DCHS2: variants seen among roughly 807,000 people sequenced by gnomAD.
DCHS2 encodes dachsous cadherin-related 2.
In DCHS2, 142 loss-of-function variants were observed where a neutral mutation model predicts 182.4. The ratio of observed to expected loss-of-function variants is 0.78; its 90% CI spans 0.68 to 0.89. DCHS2 has a LOEUF of 0.89. Among genes scored for constraint, DCHS2 ranks in the 40% least tolerant of loss-of-function variants. The pLI, the probability that DCHS2 is intolerant of heterozygous loss-of-function variation, is 0.00. For missense variants in DCHS2, 4,319 were observed against 4,198.6 expected (o/e 1.03, Z -0.79); for synonymous variants, 1,740 against 1,663.3 (o/e 1.05, Z -1.12).
chr4:154,470,348 T>C (rs1297316519), intron 1 of DCHS2, among the ~76,000 whole-genome samples: 1 of 151,988 alleles, frequency 6.6e-6, no homozygotes, highest in African/African-American at 2.4e-5. Flanking sequence ...ATTAACCAGA[T>C]GTTGTGGCAC....
At chr4:154,308,386 G>C (rs1455429093) in intron 10 of DCHS2, among the ~76,000 whole-genome samples, 1 of 152,178 alleles carries the variant, frequency 6.6e-6, no homozygotes, top group Non-Finnish European at 1.5e-5. Context: ...CCTGGTTCCA[G>C]GAGTGGGGTG....
chr4:154,479,250 C>T (rs1328468019), intron 1 of DCHS2, among the ~76,000 whole-genome samples: 1 of 151,968 alleles, frequency 6.6e-6, no homozygotes, highest in African/African-American at 2.4e-5. Context: ...GAAAATAATA[C>T]AAGCCATCTG....
chr4:154,426,401 G>A (rs1358932122), intron 1 of DCHS2, among the ~76,000 whole-genome samples: 1 of 152,116 alleles, frequency 6.6e-6, no homozygotes, highest in Non-Finnish European at 1.5e-5. Flanking sequence ...TCACTTTGCA[G>A]TCTTTAGATT....
At chr4:154,434,211 A>T (rs1425443752) in intron 1 of DCHS2, among the ~76,000 whole-genome samples, 1 of 152,216 alleles carries the variant, frequency 6.6e-6, no homozygotes, top group Non-Finnish European at 1.5e-5. Context: ...AGGGGAGATG[A>T]TTGCTTGAGA....
At chr4:154,446,072 C>A (rs1021504711) in intron 1 of DCHS2, among the ~76,000 whole-genome samples, 1 of 152,202 alleles carries the variant, frequency 6.6e-6, no homozygotes, top group Non-Finnish European at 1.5e-5. Flanking sequence ...AGAAAGAACT[C>A]TTCACCTTCT....
intron 1 of DCHS2, among the ~76,000 whole-genome samples, chr4:154,481,278 T>G (rs1735909327): frequency 6.6e-6 from 1 of 152,204 alleles, no homozygotes; most frequent in South Asian, 2.1e-4. Flanking sequence ...TTTATTTTAT[T>G]GGAGACAGGG....
In DCHS2 at chr4:154,384,838, T is replaced by A. The variant is rs112120920; in HGVS notation, c.2053-7394A>T. Among the ~76,000 whole-genome samples, 439 of 152,286 alleles carry A rather than the reference T, an allele frequency of 2.9e-3. 1 individual carries two copies. Among genetic ancestry groups the A allele is most frequent in the African/African-American group, 0.01 (422 of 41,562 alleles). On this transcript the variant is annotated intron_variant, in intron 1 of 19. Transcript: ENST00000357232. ...AGAGCCCCCAGAAGGAGCACAGCCCTGCTGGATTGCAGACTTCTAGTCTCC... is the reference window on the plus strand; with the variant it reads ...AGAGCCCCCAGAAGGAGCACAGCCCAGCTGGATTGCAGACTTCTAGTCTCC...
intron 1 of DCHS2, among the ~76,000 whole-genome samples, chr4:154,462,247 C>G (rs990904514): frequency 2.6e-5 from 4 of 152,128 alleles, no homozygotes; most frequent in African/African-American, 9.7e-5. Context: ...TTATCTGACT[C>G]CTTCAATGTC....
At chr4:154,242,527 G>C in intron 17 of DCHS2, 115 bp downstream of exon 17, 1 of 1,375,596 alleles carries the variant, frequency 7.3e-7, no homozygotes, top group South Asian at 1.9e-5. Flanking sequence ...AAATGATCTA[G>C]TTTGCTTGGT....
intron 1 of DCHS2, among the ~76,000 whole-genome samples, chr4:154,470,590 T>C (rs1338557775): frequency 6.6e-6 from 1 of 152,196 alleles, no homozygotes; most frequent in Non-Finnish European, 1.5e-5. Context: ...CAATGGCTTA[T>C]ACACAATTTT....
At position 154,490,894 on chromosome 4, in the gene DCHS2, C is replaced by G; in HGVS notation, c.462G>C (p.Glu154Asp). The G allele has an allele frequency of 6.4e-7, 1 of 1,551,420 alleles. No individual in the cohort carries two copies. Among genetic ancestry groups the G allele is most frequent in the African/African-American group, 1.4e-5 (1 of 73,166 alleles). The change falls in exon 1 of 20, where the codon GAG (glutamate) becomes GAC (aspartate). Residue 154 changes from glutamate (E) to aspartate (D), a missense_variant. Coordinates refer to ENST00000357232, the MANE Select transcript of DCHS2 (RefSeq NM_001358235.2). Reference protein sequence around the residue: ...ATLLGAVVQVEIRVNDVNDHS... With the variant: ...ATLLGAVVQVDIRVNDVNDHS... The stretch of plus-strand genomic sequence containing the variant: ...GGTCATTCACGTCGTTGACGCGAAT[C>G]TCCACCTGCACCACAGCGCCCAGCA...
At chr4:154,288,909 T>A (rs1367338773) in intron 13 of DCHS2, among the ~76,000 whole-genome samples, 1 of 152,056 alleles carries the variant, frequency 6.6e-6, no homozygotes, top group Non-Finnish European at 1.5e-5. Flanking sequence ...GCAAATCGTA[T>A]GGGATCCAGC....
rs1731360657 is a variant in DCHS2, at chr4:154,234,670, A to AATTG, written c.9978_9981dup (p.Phe3328GlnfsTer36). 1.2e-6 allele frequency: 2 copies of AATTG among 1,613,822 alleles called. No homozygotes were observed. The highest frequency in any genetic ancestry group is 1.7e-5 in the Admixed American group (1 of 59,970). On this transcript the variant is annotated frameshift_variant, in exon 20 of 20. Transcript: ENST00000357232. LOFTEE classifies it low-confidence loss of function (END_TRUNC). The stretch of plus-strand genomic sequence containing the variant: ...GTCAATAGGGAAAGAGATGGAGAAA[A>AATTG]ATTGGGAGTCATGCCTTCTGGCAGA...
At chr4:154,401,371 G>A (rs980663840) in intron 1 of DCHS2, among the ~76,000 whole-genome samples, 1 of 151,916 alleles carries the variant, frequency 6.6e-6, no homozygotes, top group African/African-American at 2.4e-5. Flanking sequence ...TTTTCATTTT[G>A]GGGGGGTAAA....
In DCHS2 at chr4:154,483,762, TACA is replaced by T. The variant is rs1359381401; in HGVS notation, c.2052+5539_2052+5541del. Among the ~76,000 whole-genome samples the T allele has an allele frequency of 1.4e-3, 217 of 152,214 alleles. 1 individual carries two copies. Among genetic ancestry groups the T allele is most frequent in the African/African-American group, 4.9e-3 (203 of 41,530 alleles). ...GGTTGTGGTCCTTGAGGCTCAGGAA[TACA>T]AGCACATAGCATTATCATCACAGAG... On this transcript the variant is annotated intron_variant, in intron 1 of 19. Transcript: ENST00000357232.
At chr4:154,324,460 G>A (rs145465577) in intron 7 of DCHS2, among the ~76,000 whole-genome samples, 5 of 152,272 alleles carry the variant, frequency 3.3e-5, no homozygotes, top group South Asian at 2.1e-4. Flanking sequence ...GGTGCTCATC[G>A]TTTCTGGGTT....
intron 14 of DCHS2, among the ~76,000 whole-genome samples, chr4:154,268,858 T>C (rs1000368248): frequency 1.3e-5 from 2 of 152,078 alleles, no homozygotes; most frequent in Non-Finnish European, 2.9e-5. Context: ...AATGATGGAC[T>C]GTAGAAGAAA....
rs1732908446 is a variant in DCHS2 at position 154,260,054 on chromosome 4, C to T, written c.6578-298G>A. The stretch of plus-strand genomic sequence containing the variant: ...GGCCAGTCTGGTCTCGAACTCCTGA[C>T]CTCGTGATTCACCTGCCTTGGCCTC... On this transcript the variant is annotated intron_variant, in intron 14 of 19. Transcript: ENST00000357232. 2.0e-5 allele frequency among the ~76,000 whole-genome samples: 3 copies of T among 152,246 alleles called. No individual in the cohort carries two copies. In the South Asian group the frequency reaches 6.2e-4, roughly 32 times the overall value.
intron 1 of DCHS2, among the ~76,000 whole-genome samples, chr4:154,457,622 C>T (rs760815142): frequency 3.7e-4 from 57 of 152,092 alleles, no homozygotes; most frequent in Non-Finnish European, 6.9e-4. Flanking sequence ...GTAGTGTTGA[C>T]GATTTTGTTT....
Sources: gnomAD v4.1 joint callset for allele counts (sites outside exome capture counted in the v4.1 genomes callset) on GRCh38, gnomAD v4.1.1 for gene constraint, MANE v1.5 for transcripts, NCBI Gene and HGNC (gene_info 2026-07-23, HGNC 2026-07-21) for gene names.